Variants in SLC25A40 observed in about 807,000 individuals in gnomAD.
SLC25A40 encodes solute carrier family 25 member 40, also known as mitochondrial glutathione transporter SLC25A40.
Under a neutral mutation model 46.5 loss-of-function variants are expected in SLC25A40, and 41 were observed. The ratio of observed to expected loss-of-function variants is 0.88; its 90% CI spans 0.69 to 1.14. The LOEUF (loss-of-function observed/expected upper bound fraction) is 1.14, where lower values mean the gene tolerates loss of function less well. Ranked by LOEUF, SLC25A40 falls within the 50% of genes most tolerant of loss-of-function variation. The pLI, the probability that SLC25A40 is intolerant of heterozygous loss-of-function variation, is 0.00. For synonymous variants in SLC25A40, 126 were observed against 127.5 expected (o/e 0.99, Z 0.08); for missense variants, 386 against 393.6 (o/e 0.98, Z 0.16).
At position 87,848,520 on chromosome 7, in the gene SLC25A40, A is replaced by G. The variant is rs956414365; in HGVS notation, c.333-543T>C. Among the ~76,000 whole-genome samples the G allele has an allele frequency of 3.9e-5, 6 of 152,334 alleles. 1 individual carries two copies. In the Middle Eastern group the frequency reaches 0.01, roughly 259 times the overall value. ...ATCTTCTTTCTCATTCATAATTACC[A>G]TAACATCAGAATCAGCGAAATAAAA... is the stretch of plus-strand genomic sequence containing the variant. On this transcript the variant is annotated intron_variant, in intron 6 of 11. Coordinates refer to ENST00000341119, the MANE Select transcript of SLC25A40 (RefSeq NM_018843.4).
chr7:87,855,988 A>T (rs910855047), intron 4 of SLC25A40, among the ~76,000 whole-genome samples: 1 of 152,176 alleles, frequency 6.6e-6, no homozygotes, highest in Non-Finnish European at 1.5e-5. Context: ...CAACTTTTGG[A>T]CACAGGAGTA....
At chr7:87,869,404 T>C (rs1288746529) in intron 1 of SLC25A40, among the ~76,000 whole-genome samples, 1 of 151,948 alleles carries the variant, frequency 6.6e-6, no homozygotes, top group Non-Finnish European at 1.5e-5. Flanking sequence ...GGTGTGCACC[T>C]CTAGTCCCAG....
chr7:87,872,170 C>A (rs569238181), intron 1 of SLC25A40, among the ~76,000 whole-genome samples: 1 of 152,278 alleles, frequency 6.6e-6, no homozygotes, highest in Admixed American at 6.5e-5. Context: ...ACATAATCTT[C>A]TTACTTTTGT....
intron 5 of SLC25A40, 53 bp downstream of exon 5, chr7:87,854,151 T>C: frequency 5.8e-6 from 7 of 1,205,450 alleles, no homozygotes; most frequent in Non-Finnish European, 8.6e-6. Context: ...ATATTTCACA[T>C]ATAAGATTAA....
At chr7:87,838,773 A>G (rs1838291618) in intron 10 of SLC25A40, among the ~76,000 whole-genome samples, 1 of 151,648 alleles carries the variant, frequency 6.6e-6, no homozygotes, top group African/African-American at 2.4e-5. Flanking sequence ...AACAATGTAT[A>G]CTCTTCTTTG....
At chr7:87,854,542 A>G (rs1350015228) in intron 4 of SLC25A40, among the ~76,000 whole-genome samples, 1 of 152,204 alleles carries the variant, frequency 6.6e-6, no homozygotes, top group Non-Finnish European at 1.5e-5. Flanking sequence ...AAGTAACTGT[A>G]TATTAGGCCG....
At chr7:87,866,592 A>G (rs1838802838) in intron 1 of SLC25A40, among the ~76,000 whole-genome samples, 2 of 152,312 alleles carry the variant, frequency 1.3e-5, no homozygotes, top group Admixed American at 1.3e-4. Context: ...GCGTCCTCTG[A>G]GGAGAAACGT....
intron 1 of SLC25A40, among the ~76,000 whole-genome samples, chr7:87,864,514 A>G (rs1436665132): frequency 6.6e-6 from 1 of 152,230 alleles, no homozygotes; most frequent in Non-Finnish European, 1.5e-5. Context: ...CATTGGTTAA[A>G]TATTTATAAT....
chr7:87,853,477 G>A (rs551660601), intron 5 of SLC25A40, among the ~76,000 whole-genome samples: 1 of 152,250 alleles, frequency 6.6e-6, no homozygotes, highest in South Asian at 2.1e-4. Flanking sequence ...ATTCCCTAAG[G>A]CATTTTTCCC....
At chr7:87,852,719 AC>A (rs1386542341) in intron 5 of SLC25A40, among the ~76,000 whole-genome samples, 2 of 152,202 alleles carry the variant, frequency 1.3e-5, no homozygotes, top group Non-Finnish European at 2.9e-5. Flanking sequence ...AAATAGACAG[AC>A]CCAATATGCC....
chr7:87,847,813 T>C (rs1838444035), intron 7 of SLC25A40, 40 bp downstream of exon 7: 2 of 1,580,132 alleles, frequency 1.3e-6, no homozygotes, highest in Non-Finnish European at 1.7e-6. Context: ...ACAGAAGCTC[T>C]AAACAGAAAT....
intron 1 of SLC25A40, among the ~76,000 whole-genome samples, chr7:87,872,643 G>A (rs1418334924): frequency 3.3e-5 from 5 of 152,120 alleles, no homozygotes; most frequent in Non-Finnish European, 1.5e-5. Context: ...GAAGAATTTA[G>A]CCAGTACAAT....
intron 8 of SLC25A40, among the ~76,000 whole-genome samples, chr7:87,845,618 C>T (rs1163798160): frequency 6.6e-6 from 1 of 152,054 alleles, no homozygotes; most frequent in East Asian, 1.9e-4. Context: ...GTCCCTGGTG[C>T]CCAAAAGGTT....
rs565349053 is a variant in SLC25A40, at chr7:87,851,382, A to G, written c.265-1434T>C. 3.3e-5 allele frequency among the ~76,000 whole-genome samples: 5 copies of G among 152,338 alleles called. No individual in the cohort carries two copies. The South Asian group carries it at 8.3e-4, about 25-fold the overall frequency. On this transcript the variant is annotated intron_variant, in intron 5 of 11. Transcript: ENST00000341119. ...TAGTAAGACAGAAAACTTTTAGACA[A>G]TAACCACTCTGCTCTAGCCAAACAC...
chr7:87,864,132 G>A (rs1039975611), intron 1 of SLC25A40, among the ~76,000 whole-genome samples: 1 of 152,274 alleles, frequency 6.6e-6, no homozygotes, highest in African/African-American at 2.4e-5. Context: ...ATGTCTGAAT[G>A]ATCTGTCCAT....
rs527848798 is a variant in SLC25A40 at position 87,835,078 on chromosome 7, T to C, written c.*1171A>G. The C allele has an allele frequency of 6.6e-6, 1 of 151,436 alleles. No homozygotes were observed. The highest frequency in any genetic ancestry group is 6.6e-5 in the Admixed American group (1 of 15,170). The allele number at this position is 151,436 out of a possible 1,614,324, so 9.4% of individuals were successfully genotyped here. ...TTCTAAAATAAAGACTGCAATAAAT[T>C]AGTGCTTTAAAAAATATATATATAT... On this transcript the variant is annotated 3_prime_UTR_variant, in exon 12 of 12. Coordinates refer to ENST00000341119, the MANE Select transcript of SLC25A40 (RefSeq NM_018843.4).
At chr7:87,872,555 C>A (rs978885099) in intron 1 of SLC25A40, among the ~76,000 whole-genome samples, 2 of 152,302 alleles carry the variant, frequency 1.3e-5, no homozygotes, top group South Asian at 4.2e-4. Flanking sequence ...GCCTTTCAAT[C>A]CTTTTCAATG....
chr7:87,869,479 A>G (rs1474966595), intron 1 of SLC25A40, among the ~76,000 whole-genome samples: 3 of 151,814 alleles, frequency 2.0e-5, no homozygotes, highest in East Asian at 1.9e-4. Flanking sequence ...CAGTGAGCCT[A>G]TATCATGCTA....
At chr7:87,867,254 AG>A (rs1385072661) in intron 1 of SLC25A40, among the ~76,000 whole-genome samples, 1 of 152,160 alleles carries the variant, frequency 6.6e-6, no homozygotes, top group East Asian at 1.9e-4. Flanking sequence ...GGTCTTTTGA[AG>A]TAATTTTCTG....
Sources: allele counts gnomAD v4.1 joint callset (sites outside exome capture counted in the v4.1 genomes callset), GRCh38; gene constraint gnomAD v4.1.1; transcripts MANE v1.5; gene names NCBI Gene and HGNC (gene_info 2026-07-23, HGNC 2026-07-21).